SGCD: variants seen among roughly 807,000 people sequenced by gnomAD.
SGCD encodes the protein sarcoglycan delta, also known as delta-sarcoglycan.
SGCD carries 18 observed loss-of-function variants against 36.6 expected under a neutral mutation model. The ratio of observed to expected loss-of-function variants is 0.49; its 90% CI spans 0.34 to 0.73. The LOEUF is 0.73. SGCD is among the 30% of genes least tolerant of loss of function. The pLI, the probability that SGCD is intolerant of heterozygous loss-of-function variation, is 0.01. For missense variants in SGCD, 387 were observed against 346.7 expected, an observed-to-expected ratio of 1.12 and a Z score of -0.92; for synonymous variants, 133 against 130.6, an observed-to-expected ratio of 1.02 and a Z score of -0.12.
intron 3 of SGCD, among the ~76,000 whole-genome samples, chr5:156,392,473 G>A (rs933575072): frequency 6.6e-6 from 1 of 152,200 alleles, no homozygotes; most frequent in African/African-American, 2.4e-5. Flanking sequence ...GTAGGGCTCT[G>A]ACTCCATGGC....
At chr5:156,699,234 G>A (rs529704159) in intron 7 of SGCD, among the ~76,000 whole-genome samples, 1 of 152,104 alleles carries the variant, frequency 6.6e-6, no homozygotes, top group African/African-American at 2.4e-5. Flanking sequence ...TGGGAATCAG[G>A]TATAGAGTGG....
chr5:156,647,031 T>C (rs1328414729), intron 6 of SGCD, among the ~76,000 whole-genome samples: 2 of 152,220 alleles, frequency 1.3e-5, no homozygotes, highest in African/African-American at 4.8e-5. Flanking sequence ...TTCACTGTTC[T>C]ACCATCTAAC....
chr5:156,350,014 T>TAAGTGGGAG (rs1324276985), intron 3 of SGCD, among the ~76,000 whole-genome samples: 2 of 151,742 alleles, frequency 1.3e-5, no homozygotes, highest in African/African-American at 4.8e-5. Context: ...TTCTTTTTGA[T>TAAGTGGGAG]AAGTGGGAGC....
At chr5:156,583,501 A>T (rs1300276576) in intron 4 of SGCD, among the ~76,000 whole-genome samples, 6 of 152,178 alleles carry the variant, frequency 3.9e-5, no homozygotes, top group Non-Finnish European at 8.8e-5. Context: ...CTGAATGACT[A>T]CAATAATCTC....
intron 6 of SGCD, among the ~76,000 whole-genome samples, chr5:156,637,091 G>T (rs1181660494): frequency 6.6e-6 from 1 of 152,044 alleles, no homozygotes; most frequent in African/African-American, 2.4e-5. Context: ...AATCATGAGG[G>T]CAGTTAACTC....
chr5:156,265,916 G>T (rs184464478), intron 3 of SGCD, among the ~76,000 whole-genome samples: 1 of 152,216 alleles, frequency 6.6e-6, no homozygotes, highest in African/African-American at 2.4e-5. Context: ...AACTCTCAGA[G>T]AGATCTCTAA....
intron 3 of SGCD, among the ~76,000 whole-genome samples, chr5:156,292,201 TG>T (rs1221651605): frequency 6.6e-6 from 1 of 152,122 alleles, no homozygotes; most frequent in Non-Finnish European, 1.5e-5. Flanking sequence ...TAAATTATTA[TG>T]AAAGCATTAC....
chr5:156,022,114 A>G (rs1759117938), intron 1 of SGCD, among the ~76,000 whole-genome samples: 1 of 152,202 alleles, frequency 6.6e-6, no homozygotes, highest in African/African-American at 2.4e-5. Context: ...TTTCATATAA[A>G]TAGTATCATA....
chr5:156,002,214 A>G (rs1758678268), intron 1 of SGCD, among the ~76,000 whole-genome samples: 1 of 152,172 alleles, frequency 6.6e-6, no homozygotes, highest in African/African-American at 2.4e-5. Flanking sequence ...CTGTATAAGA[A>G]GATGAGATTA....
In SGCD at chr5:156,667,863, A is replaced by G. The variant is rs977253478; in HGVS notation, c.575+20327A>G. On this transcript the variant is annotated intron_variant, in intron 7 of 8. Transcript: ENST00000337851. The stretch of plus-strand genomic sequence containing the variant: ...ATTCTGAGAGCTTAAAATGTCATCA[A>G]CCAGTACAAAGTTTGTATCAAATCA... Among the ~76,000 whole-genome samples the G allele has an allele frequency of 4.6e-5, 7 of 152,350 alleles. No individual in the cohort carries two copies. The South Asian group carries it at 6.2e-4, about 14-fold the overall frequency.
In SGCD at chr5:156,024,880, C is replaced by T. The variant is rs867841089; in HGVS notation, c.-281-92998C>T. 6.6e-5 allele frequency among the ~76,000 whole-genome samples: 10 copies of T among 151,648 alleles called. No homozygotes were observed. The South Asian group carries it at 1.3e-3, about 19-fold the overall frequency. Reference sequence around the variant, plus strand: ...GGCTGAGGCAGGAGAATTGCTTGAACCCTGGAGGCAGAGGTTGCAGTGAGC... The same window carrying T: ...GGCTGAGGCAGGAGAATTGCTTGAATCCTGGAGGCAGAGGTTGCAGTGAGC... On this transcript the variant is annotated intron_variant, in intron 1 of 9. Coordinates refer to the SGCD transcript ENST00000517913.
chr5:156,289,240 A>G (rs369502910), intron 3 of SGCD, among the ~76,000 whole-genome samples: 24 of 152,246 alleles, frequency 1.6e-4, no homozygotes, highest in Middle Eastern at 3.4e-3. Context: ...ATTTAACATC[A>G]TATAATTAGT....
rs796074828 is a variant in SGCD, at chr5:156,512,214, G to A, written c.294+3512G>A. On this transcript the variant is annotated intron_variant, in intron 4 of 8. Coordinates refer to ENST00000337851, the MANE Select transcript of SGCD (RefSeq NM_000337.6). ...CTCAAAAAAAAAAAAAAAAAAAAAA[G>A]GAACAATTGACTGTTTTATCAAACA... 8.9e-3 allele frequency among the ~76,000 whole-genome samples: 1,107 copies of A among 124,642 alleles called. 11 individuals are homozygous for A. Among genetic ancestry groups the A allele is most frequent in the Admixed American group, 0.012 (140 of 12,082 alleles). The allele number at this position is 124,642 out of a possible 152,430, so 81.8% of individuals were successfully genotyped here.
chr5:156,032,546 G>A (rs1038327530), intron 1 of SGCD, among the ~76,000 whole-genome samples: 79 of 151,178 alleles, frequency 5.2e-4, no homozygotes, highest in African/African-American at 1.8e-3. Context: ...GTGAAAACCC[G>A]TCTCTACTAA....
At chr5:156,400,203 A>T (rs781141837) in intron 3 of SGCD, among the ~76,000 whole-genome samples, 5 of 151,914 alleles carry the variant, frequency 3.3e-5, no homozygotes, top group Non-Finnish European at 1.5e-5. Flanking sequence ...CTGGTTCAAT[A>T]CTCTTGGTGT....
chr5:156,418,143 G>A (rs190584164), intron 3 of SGCD, among the ~76,000 whole-genome samples: 1,673 of 152,302 alleles, frequency 0.011, 12 homozygotes, highest in Non-Finnish European at 0.018. Flanking sequence ...CTTCTGATAA[G>A]CAGTTATCCA....
In SGCD at chr5:156,251,608, C is replaced by T. The variant is rs532296794; in HGVS notation, c.-43-77926C>T. ...CGGCTCACTGCAACCTCTGCCTCTG[C>T]GGTTCAAGCCATTCTCCTGCCTCAG... On this transcript the variant is annotated intron_variant, in intron 3 of 9. Transcript: ENST00000517913. 1.1e-3 allele frequency among the ~76,000 whole-genome samples: 165 copies of T among 151,818 alleles called. 1 individual carries two copies. Among genetic ancestry groups the T allele is most frequent in the African/African-American group, 3.7e-3 (154 of 41,406 alleles).
intron 7 of SGCD, among the ~76,000 whole-genome samples, chr5:156,677,722 A>C (rs1013903662): frequency 6.6e-6 from 1 of 152,118 alleles, no homozygotes; most frequent in Admixed American, 6.5e-5. Flanking sequence ...AGAAAATTTT[A>C]TATTTGCCTG....
chr5:155,779,076 C>T, the SGCD span, among the ~76,000 whole-genome samples: 1 of 152,150 alleles, frequency 6.6e-6, no homozygotes, highest in African/African-American at 2.4e-5. Flanking sequence ...TGTTTACTCT[C>T]ATATTTTACA....
Sources: allele counts gnomAD v4.1 joint callset (sites outside exome capture counted in the v4.1 genomes callset), GRCh38; gene constraint gnomAD v4.1.1; transcripts MANE v1.5; gene names NCBI Gene and HGNC (gene_info 2026-07-23, HGNC 2026-07-21).